The following FBLN2 variants were observed in gnomAD, a reference collection of about 807,000 sequenced individuals.
FBLN2 encodes fibulin-2.
FBLN2 carries 81 observed loss-of-function variants against 123.7 expected under a neutral mutation model. That is an observed-to-expected ratio of 0.65 (90% CI 0.55 to 0.79). The LOEUF (loss-of-function observed/expected upper bound fraction) is 0.79. FBLN2 is among the 30% of genes least tolerant of loss of function. The probability of loss-of-function intolerance (pLI) is 0.00; values close to 1 mark genes in which losing one functional copy is unlikely to be tolerated. For synonymous variants in FBLN2, 699 were observed against 701.4 expected (o/e 1.00, Z 0.05); for missense variants, 1,603 against 1,681.3 (o/e 0.95, Z 0.81).
chr3:13,610,340 T>G (rs912448099), intron 4 of FBLN2, among the ~76,000 whole-genome samples: 5 of 152,080 alleles, frequency 3.3e-5, no homozygotes, highest in African/African-American at 1.2e-4. Flanking sequence ...CATGGGGAGT[T>G]TGAGGGTCTC....
chr3:13,623,278 C>G (rs879582559), intron 9 of FBLN2, among the ~76,000 whole-genome samples: 1 of 152,232 alleles, frequency 6.6e-6, no homozygotes. Context: ...CCATGATGCC[C>G]TGCCCTCTCG....
rs140903551 is a variant in FBLN2, at chr3:13,590,676, C to T, written c.1307-17386C>T. Among the ~76,000 whole-genome samples the T allele has an allele frequency of 1.9e-3, 296 of 152,268 alleles. 4 individuals are homozygous for T. Among genetic ancestry groups the T allele is most frequent in the African/African-American group, 6.6e-3 (276 of 41,540 alleles). ...TATTTTGAATGATGGGAACATACAG[C>T]GTGATCTTGCTTGTGTTTGGCTTCT... On this transcript the variant is annotated intron_variant, in intron 2 of 17. Transcript: ENST00000404922.
intron 2 of FBLN2, among the ~76,000 whole-genome samples, chr3:13,589,661 C>T (rs774038002): frequency 3.9e-5 from 6 of 152,106 alleles, no homozygotes; most frequent in South Asian, 2.1e-4. Context: ...TAAAAAATAG[C>T]GATATTCTCT....
chr3:13,555,739 C>A (rs555520550), intron 1 of FBLN2, among the ~76,000 whole-genome samples: 19 of 152,240 alleles, frequency 1.2e-4, no homozygotes, highest in Admixed American at 3.3e-4. Flanking sequence ...CAGGCGTGAG[C>A]CACTGTGCCC....
chr3:13,613,918 C>A, intron 4 of FBLN2, 66 bp from the exon 5 acceptor site: 2 of 1,526,800 alleles, frequency 1.3e-6, no homozygotes, highest in South Asian at 2.5e-5. Flanking sequence ...TTTATCAGTC[C>A]CTCCCCTGAG....
intron 9 of FBLN2, among the ~76,000 whole-genome samples, chr3:13,625,924 T>C (rs187886057): frequency 1.3e-5 from 2 of 151,812 alleles, no homozygotes; most frequent in Admixed American, 1.3e-4. Context: ...ACAGCTGGCT[T>C]CCTTCTCAGG....
intron 9 of FBLN2, 100 bp from the exon 10 acceptor site, chr3:13,626,345 C>G: frequency 7.8e-7 from 1 of 1,279,600 alleles, no homozygotes; most frequent in Non-Finnish European, 1.1e-6. Context: ...GAGGGCAGGG[C>G]CTGGAGCTCT....
chr3:13,555,995 G>A (rs529128869), intron 1 of FBLN2, among the ~76,000 whole-genome samples: 2 of 152,288 alleles, frequency 1.3e-5, no homozygotes, highest in East Asian at 3.9e-4. Context: ...ATCTCCTGGG[G>A]CTGCCTTGGC....
chr3:13,554,513 C>T (rs1259818014), intron 1 of FBLN2, among the ~76,000 whole-genome samples: 1 of 152,206 alleles, frequency 6.6e-6, no homozygotes, highest in African/African-American at 2.4e-5. Flanking sequence ...TGCGCGTGCC[C>T]ACACACACGT....
At chr3:13,596,930 A>G (rs985772398) in intron 2 of FBLN2, among the ~76,000 whole-genome samples, 6 of 106,986 alleles carry the variant, frequency 5.6e-5, no homozygotes, top group African/African-American at 2.7e-4. Flanking sequence ...AAATTTGTTT[A>G]TTTATTTATT....
At chr3:13,554,593 TC>T (rs1365764282) in intron 1 of FBLN2, among the ~76,000 whole-genome samples, 1 of 16,688 alleles carries the variant, frequency 6.0e-5, no homozygotes, top group Non-Finnish European at 1.3e-4. Context: ...TTAGACAACT[TC>T]CCTAGTCCTC....
At chr3:13,587,863 C>T (rs547055704) in intron 2 of FBLN2, among the ~76,000 whole-genome samples, 1 of 152,270 alleles carries the variant, frequency 6.6e-6, no homozygotes, top group African/African-American at 2.4e-5. Context: ...CCTGGAGGCA[C>T]CCCCCAATCT....
chr3:13,631,229 G>A lies in FBLN2; in HGVS notation c.3086-100G>A, dbSNP rs544373441. Reference sequence around the variant, plus strand: ...CCACTTGTCTTCATTTAAAAAATGGGCCCCTAAGCTCTATGGCTGTGACAG... The same window carrying A: ...CCACTTGTCTTCATTTAAAAAATGGACCCCTAAGCTCTATGGCTGTGACAG... On this transcript the variant is annotated intron_variant, in intron 15 of 17. Coordinates refer to ENST00000404922, the MANE Select transcript of FBLN2 (RefSeq NM_001004019.2). 5.0e-6 allele frequency: 7 copies of A among 1,400,408 alleles called. No homozygotes were observed. In the East Asian group the frequency reaches 1.2e-4, roughly 25 times the overall value. The allele number at this position is 1,400,408 out of a possible 1,614,324, so 86.7% of individuals were successfully genotyped here.
At chr3:13,558,229 G>A (rs1015462019) in intron 1 of FBLN2, among the ~76,000 whole-genome samples, 4 of 152,170 alleles carry the variant, frequency 2.6e-5, no homozygotes, top group African/African-American at 9.7e-5. Context: ...CTCCATCGCT[G>A]TCTGTCTCTG....
chr3:13,562,993 T>C (rs1016034351), intron 1 of FBLN2, among the ~76,000 whole-genome samples: 9 of 152,226 alleles, frequency 5.9e-5, no homozygotes, highest in Non-Finnish European at 1.0e-4. Context: ...AATGTTGCAT[T>C]GTATGGAATA....
At chr3:13,595,394 C>T (rs972729987) in intron 2 of FBLN2, among the ~76,000 whole-genome samples, 1 of 152,170 alleles carries the variant, frequency 6.6e-6, no homozygotes, top group African/African-American at 2.4e-5. Flanking sequence ...CTTAGCCATC[C>T]CCTGCTGGTT....
chr3:13,565,787 A>G (rs1379854700), intron 1 of FBLN2, among the ~76,000 whole-genome samples: 1 of 152,182 alleles, frequency 6.6e-6, no homozygotes, highest in Non-Finnish European at 1.5e-5. Flanking sequence ...GGTGACCACC[A>G]GGGGCCATAT....
At position 13,627,927 on chromosome 3, in the gene FBLN2, T is replaced by C; in HGVS notation, c.2527T>C (p.Cys843Arg). ...GSFYCQARQRCMDGFLQDPEG... is the reference protein window; with the variant it reads ...GSFYCQARQRRMDGFLQDPEG... ...CTTCTACTGCCAGGCCAGGCAGCGC[T>C]GCATGGATGGCTTCCTGCAGGATCC... Residue 843 changes from cysteine (C) to arginine (R), a missense_variant, in exon 11 of 18, where the codon TGC (cysteine) becomes CGC (arginine). Transcript: ENST00000404922. The C allele has an allele frequency of 6.2e-7, 1 of 1,613,768 alleles. No individual in the cohort carries two copies. Among genetic ancestry groups the C allele is most frequent in the East Asian group, 2.2e-5 (1 of 44,870 alleles).
intron 2 of FBLN2, among the ~76,000 whole-genome samples, chr3:13,586,402 C>T (rs556357761): frequency 4.6e-5 from 7 of 151,492 alleles, no homozygotes; most frequent in South Asian, 2.1e-4. Context: ...TCAGGCTGGT[C>T]GTGAACTCCT....
Sources: gnomAD v4.1 joint callset for allele counts (sites outside exome capture counted in the v4.1 genomes callset) on GRCh38, gnomAD v4.1.1 for gene constraint, MANE v1.5 for transcripts, NCBI Gene and HGNC (gene_info 2026-07-23, HGNC 2026-07-21) for gene names.